JMJD1C: variants seen among roughly 807,000 people sequenced by gnomAD.
JMJD1C encodes jumonji domain-containing protein 1C.
JMJD1C carries 31 observed loss-of-function variants against 245.3 expected under a neutral mutation model. That is an observed-to-expected ratio of 0.13 (90% CI 0.09 to 0.17). The LOEUF is 0.17. Ranked by LOEUF, JMJD1C falls within the 10% of genes least tolerant of loss-of-function variation. The pLI is 1.00. For missense variants in JMJD1C, 2,691 were observed against 3,000.2 expected (o/e 0.90, Z 2.41); for synonymous variants, 1,057 against 1,017.4 (o/e 1.04, Z -0.74).
chr10:63,338,751 C>T (rs912250126), intron 2 of JMJD1C, among the ~76,000 whole-genome samples: 16 of 144,604 alleles, frequency 1.1e-4, no homozygotes, highest in African/African-American at 3.9e-4. Flanking sequence ...TGGGTTCAAG[C>T]GATCCTCCTA....
chr10:63,484,160 G>A (rs964827281), intron 1 of JMJD1C, among the ~76,000 whole-genome samples: 1 of 151,830 alleles, frequency 6.6e-6, no homozygotes, highest in Non-Finnish European at 1.5e-5. Flanking sequence ...TGGGCATGGT[G>A]GCTCACTCCT....
intron 1 of JMJD1C, among the ~76,000 whole-genome samples, chr10:63,425,512 T>G (rs1337760499): frequency 1.3e-5 from 2 of 152,188 alleles, no homozygotes; most frequent in African/African-American, 4.8e-5. Flanking sequence ...CTGGGCGCAG[T>G]GGCTCATGTC....
intron 2 of JMJD1C, among the ~76,000 whole-genome samples, chr10:63,294,835 G>A (rs1363634071): frequency 2.0e-5 from 3 of 152,050 alleles, no homozygotes; most frequent in African/African-American, 7.2e-5. Context: ...AAAAACAAAG[G>A]CTATCATTAA....
intron 21 of JMJD1C, 125 bp downstream of exon 21, chr10:63,184,483 T>G: frequency 1.3e-6 from 1 of 756,502 alleles, no homozygotes; most frequent in Non-Finnish European, 2.1e-6. Flanking sequence ...ACCTCGTGAT[T>G]CACCCGCCTT....
At chr10:63,218,899 A>G (rs535105783) in intron 4 of JMJD1C, among the ~76,000 whole-genome samples, 4 of 152,142 alleles carry the variant, frequency 2.6e-5, no homozygotes, top group Non-Finnish European at 5.9e-5. Flanking sequence ...AACTTGAAAT[A>G]CCTAGTATTT....
intron 3 of JMJD1C, among the ~76,000 whole-genome samples, chr10:63,253,512 T>C (rs924499978): frequency 1.3e-5 from 2 of 151,740 alleles, no homozygotes; most frequent in Non-Finnish European, 1.5e-5. Flanking sequence ...GACTCCCGAG[T>C]AGCTGGGAAT....
At chr10:63,285,660 T>G (rs886394006) in intron 2 of JMJD1C, among the ~76,000 whole-genome samples, 3 of 151,906 alleles carry the variant, frequency 2.0e-5, no homozygotes, top group Non-Finnish European at 4.4e-5. Context: ...ATATAAAAAT[T>G]AGCTGGGTGT....
At chr10:63,388,382 A>C (rs541304086) in intron 1 of JMJD1C, among the ~76,000 whole-genome samples, 7 of 152,248 alleles carry the variant, frequency 4.6e-5, no homozygotes, top group African/African-American at 1.7e-4. Flanking sequence ...TATACCAAAC[A>C]ATGTTATCCT....
At chr10:63,466,431 AACT>A (rs1185239283), upstream of JMJD1C, 5 of 152,390 alleles carry the variant, frequency 3.3e-5, no homozygotes, top group African/African-American at 4.8e-5. Flanking sequence ...TTCTACTGAA[AACT>A]AAGCCCCAAA....
At position 63,337,550 on chromosome 10, in the gene JMJD1C, C is replaced by CAAGAA. The variant is rs200782668; in HGVS notation, c.333+42763_333+42767dup. Among the ~76,000 whole-genome samples the CAAGAA allele has an allele frequency of 2.6e-3, 141 of 55,056 alleles. 3 individuals are homozygous for CAAGAA. The highest frequency in any genetic ancestry group is 0.019 in the Middle Eastern group (2 of 108). 36.1% of individuals were successfully genotyped at this position (55,056 alleles called of 152,430 possible). On this transcript the variant is annotated intron_variant, in intron 2 of 25. Transcript: ENST00000399262. ...GAAGGGAGGGGAGGGGAGGAGAGGA[C>CAAGAA]AAGAAAAGAAAAGAAAAGAAAAGAA...
chr10:63,176,285 G>A lies in JMJD1C; in HGVS notation c.7401+12C>T, dbSNP rs374811978. 143 of 1,565,606 alleles carry A rather than the reference G, an allele frequency of 9.1e-5. No homozygotes were observed. The highest frequency in any genetic ancestry group is 1.1e-4 in the Non-Finnish European group (132 of 1,152,340). ...TCAGTAAAAAATATGTTAGAAATAA[G>A]TTTGTATATACCTGATGAAGTGCTC... On this transcript the variant is annotated intron_variant, in intron 24 of 25. Coordinates refer to ENST00000399262, the MANE Select transcript of JMJD1C (RefSeq NM_032776.3).
At chr10:63,438,337 G>T (rs1951174484) in intron 1 of JMJD1C, among the ~76,000 whole-genome samples, 3 of 152,086 alleles carry the variant, frequency 2.0e-5, no homozygotes, top group Admixed American at 6.6e-5. Context: ...TCAATTCTGT[G>T]TTGGAAATAA....
At chr10:63,201,108 T>C (rs1285679883) in intron 10 of JMJD1C, among the ~76,000 whole-genome samples, 2 of 152,230 alleles carry the variant, frequency 1.3e-5, no homozygotes, top group East Asian at 1.9e-4. Flanking sequence ...TAAAGGTTTA[T>C]ATAGTTAGAA....
At chr10:63,298,421 C>T (rs1859683657) in intron 2 of JMJD1C, among the ~76,000 whole-genome samples, 1 of 152,174 alleles carries the variant, frequency 6.6e-6, no homozygotes, top group Non-Finnish European at 1.5e-5. Context: ...GGTCTGCTGG[C>T]AACCTTTTGC....
chr10:63,200,880 A>G (rs568121222), intron 10 of JMJD1C, among the ~76,000 whole-genome samples: 11 of 152,334 alleles, frequency 7.2e-5, no homozygotes, highest in Admixed American at 2.0e-4. Flanking sequence ...AATTCTATTA[A>G]CCAAATGAAC....
At chr10:63,415,244 A>T (rs1284807388) in intron 1 of JMJD1C, among the ~76,000 whole-genome samples, 1 of 142,146 alleles carries the variant, frequency 7.0e-6, no homozygotes. Flanking sequence ...CCTCATTATG[A>T]TTAAATCTTT....
At chr10:63,269,189 G>C (rs1443437050) in intron 2 of JMJD1C, 69 of 985,334 alleles carry the variant, frequency 7.0e-5, no homozygotes, top group Non-Finnish European at 8.1e-5. Context: ...CAGTGCAGTA[G>C]CTTCCAACAG....
intron 11 of JMJD1C, 71 bp from the exon 12 acceptor site, chr10:63,198,798 A>G: frequency 1.2e-6 from 1 of 839,472 alleles, no homozygotes; most frequent in Non-Finnish European, 1.8e-6. Context: ...TAAAATTGTA[A>G]ATTTATAATT....
At chr10:63,467,111 G>C (rs1444347154), upstream of JMJD1C, among the ~76,000 whole-genome samples, 1 of 152,134 alleles carries the variant, frequency 6.6e-6, no homozygotes, top group Non-Finnish European at 1.5e-5. Context: ...TGGGCAATTT[G>C]AAGTGGAGAA....
Sources: allele counts gnomAD v4.1 joint callset (sites outside exome capture counted in the v4.1 genomes callset), GRCh38; gene constraint gnomAD v4.1.1; transcripts MANE v1.5; gene names NCBI Gene and HGNC (gene_info 2026-07-23, HGNC 2026-07-21).